The following PFAS variants were observed in gnomAD, a reference collection of about 807,000 sequenced individuals.
The protein encoded by PFAS is phosphoribosylformylglycinamidine synthase.
A neutral mutation model predicts 140.6 loss-of-function variants in PFAS; 97 were observed. The ratio of observed to expected loss-of-function variants is 0.69; its 90% confidence interval spans 0.59 to 0.82. PFAS has a LOEUF of 0.82. Among genes scored for constraint, PFAS ranks in the 40% least tolerant of loss-of-function variants. The pLI is 0.00. For synonymous variants in PFAS, 679 were observed against 718.8 expected (o/e 0.94, Z 0.88); for missense variants, 1,656 against 1,780.2 (o/e 0.93, Z 1.26).
rs1365777148 is a variant in PFAS at position 8,256,920 on chromosome 17, G to C, written c.1032G>C (p.Val344=). The change falls in exon 9 of 28, where the codon GTG becomes GTC. Residue 344 remains valine, a synonymous_variant. Transcript: ENST00000314666. ...VQCTGRGAHV[V]AGTAGYCFGN... ...GCACAGGCCGCGGGGCCCACGTGGTGGCTGGCACTGCCGGCTATTGCTTTG... is the reference window on the plus strand; with the variant it reads ...GCACAGGCCGCGGGGCCCACGTGGTCGCTGGCACTGCCGGCTATTGCTTTG... The C allele has an allele frequency of 1.2e-6, 2 of 1,614,218 alleles. No individual in the cohort carries two copies. The highest frequency in any genetic ancestry group is 1.7e-6 in the Non-Finnish European group (2 of 1,180,044).
chr17:8,261,235 C>A (rs1222629352), intron 11 of PFAS, among the ~76,000 whole-genome samples: 1 of 151,094 alleles, frequency 6.6e-6, no homozygotes, highest in Admixed American at 6.6e-5. Context: ...TGTTTTCTTT[C>A]TTTCTTTTTT....
chr17:8,269,532 A>G lies in PFAS; in HGVS notation c.*268A>G, dbSNP rs1410124748. On this transcript the variant is annotated 3_prime_UTR_variant, in exon 28 of 28. Transcript: ENST00000314666. ...GTTCAGAGAAAAGAGCGACAAGGAA[A>G]AGTTAGGACTCCTGAGGTCCGAACA... 2.3e-6 allele frequency: 1 copy of G among 426,602 alleles called. No homozygotes were observed. Among genetic ancestry groups the G allele is most frequent in the African/African-American group, 2.0e-5 (1 of 50,584 alleles). The allele number at this position is 426,602 out of a possible 1,614,324, so 26.4% of individuals were successfully genotyped here. A position where few individuals can be genotyped will look rare whatever the true frequency, so the allele number is the denominator to read the frequency against.
At chr17:8,264,086 G>A in intron 15 of PFAS, 126 bp from the exon 16 acceptor site, 1 of 1,457,454 alleles carries the variant, frequency 6.9e-7, no homozygotes, top group Non-Finnish European at 9.6e-7. Context: ...ATCCAAGGAG[G>A]GGCAGGGACT....
rs200163213 is a variant in PFAS at position 8,258,170 on chromosome 17, A to G, written c.1307A>G (p.Asp436Gly). 1.1e-5 allele frequency: 17 copies of G among 1,614,106 alleles called. No individual in the cohort carries two copies. Among genetic ancestry groups the G allele is most frequent in the Non-Finnish European group, 8.5e-7 (1 of 1,180,016 alleles). ...FSGGIGSMEA[D>G]HISKEAPEPG... is the part of the protein sequence containing the mutation. Reference sequence around the variant, plus strand: ...GGGGGCATTGGGTCCATGGAAGCTGACCACATAAGCAAGGAGGCCCCAGAG... The same window carrying G: ...GGGGGCATTGGGTCCATGGAAGCTGGCCACATAAGCAAGGAGGCCCCAGAG... Residue 436 changes from aspartate (D) to glycine (G), a missense_variant, in exon 11 of 28, where the codon GAC becomes GGC. Around this residue, in one of 2 missense-constraint regions of PFAS, gnomAD observed 773 missense variants for 757.3 expected, o/e 1.02. Transcript: ENST00000314666.
intron 3 of PFAS, among the ~76,000 whole-genome samples, 194 bp from the exon 4 acceptor site, chr17:8,254,833 G>T (rs1450643976): frequency 1.3e-5 from 2 of 152,180 alleles, no homozygotes; most frequent in East Asian, 3.8e-4. Flanking sequence ...AAATAGTTTT[G>T]ATGCTAGAGG....
chr17:8,265,443 T>G lies in PFAS; in HGVS notation c.2436T>G (p.Val812=), dbSNP rs370400739. The G allele has an allele frequency of 9.3e-6, 15 of 1,613,970 alleles. No individual in the cohort carries two copies. The highest frequency in any genetic ancestry group is 3.3e-5 in the Admixed American group (2 of 59,986). The part of the protein sequence containing the change: ...GKDSLSMAAR[V]GTETVRAPGS... ...ACTCCCTCAGCATGGCTGCTCGGGT[T>G]GGCACTGAGACCGTGCGGGCTCCTG... Residue 812 remains valine, a synonymous_variant, in exon 19 of 28, where the codon GTT becomes GTG. Coordinates refer to ENST00000314666, the MANE Select transcript of PFAS (RefSeq NM_012393.3).
intron 11 of PFAS, 145 bp from the exon 12 acceptor site, chr17:8,262,775 A>C (rs1989643056): frequency 4.5e-6 from 3 of 664,964 alleles, no homozygotes; most frequent in Non-Finnish European, 8.1e-6. Flanking sequence ...CAGCCTGGAC[A>C]ACAGAGCGAG....
At position 8,264,073 on chromosome 17, in the gene PFAS, T is replaced by C. The variant is rs746630976; in HGVS notation, c.1791+137T>C. ...GTGGCAAACAAGCTGTGGGGAATGT[T>C]GGATCCAAGGAGGGGCAGGGACTCA... On this transcript the variant is annotated intron_variant, in intron 15 of 27. Transcript: ENST00000314666. 3 of 1,455,890 alleles carry C rather than the reference T, an allele frequency of 2.1e-6. No individual in the cohort carries two copies. The Admixed American group carries it at 5.0e-5, about 24-fold the overall frequency. The allele number at this position is 1,455,890 out of a possible 1,614,324, so 90.2% of individuals were successfully genotyped here. A position where few individuals can be genotyped will look rare whatever the true frequency, so the allele number is the denominator to read the frequency against.
rs561512607 is a variant in PFAS, at chr17:8,261,470, C to CT, written c.1337-1449dup. Among the ~76,000 whole-genome samples, 1,141 of 151,730 alleles carry CT rather than the reference C, an allele frequency of 7.5e-3. 6 individuals are homozygous for CT. Among genetic ancestry groups the CT allele is most frequent in the Non-Finnish European group, 0.011 (771 of 67,868 alleles). On this transcript the variant is annotated intron_variant, in intron 11 of 27. Transcript: ENST00000314666. The stretch of plus-strand genomic sequence containing the variant: ...CCCAGGCTGGTCTCAAACTCCTGAG[C>CT]TCAGGTAATCCACCCGCCTCAGCCT...
At chr17:8,264,870 T>C in intron 17 of PFAS, 25 bp from the exon 18 acceptor site, 1 of 1,491,200 alleles carries the variant, frequency 6.7e-7, no homozygotes, top group South Asian at 1.2e-5. Context: ...CCTTGCTCTC[T>C]TGCTAACCCC....
At chr17:8,248,166 A>G, upstream of PFAS, 3 of 716,872 alleles carry the variant, frequency 4.2e-6, no homozygotes, top group Non-Finnish European at 4.9e-6. Context: ...CTCGCTGCTC[A>G]CCCCCTCGCT....
rs376529905 is a variant in PFAS at position 8,268,716 on chromosome 17, G to A, written c.3566G>A (p.Arg1189Gln). 27 of 1,613,200 alleles carry A rather than the reference G, an allele frequency of 1.7e-5. No homozygotes were observed. Among genetic ancestry groups the A allele is most frequent in the East Asian group, 4.5e-5 (2 of 44,878 alleles). Residue 1189 changes from arginine to glutamine, a missense_variant, in exon 27 of 28, where the codon CGG (arginine) becomes CAG (glutamine). Physicochemically the swap from Arg to Gln is conservative, Grantham distance 43 (BLOSUM62 1). Coordinates refer to ENST00000314666, the MANE Select transcript of PFAS (RefSeq NM_012393.3). Reference protein sequence around the residue: ...AEMGPDSQPARPGLLLRHNLS... With the variant: ...AEMGPDSQPAQPGLLLRHNLS... The stretch of plus-strand genomic sequence containing the variant: ...ATGGGCCCTGACTCCCAGCCAGCCC[G>A]GCCAGGCCTTCTGCTACGCCACAAC...
intron 5 of PFAS, 34 bp downstream of exon 5, chr17:8,255,725 G>A: frequency 6.2e-7 from 1 of 1,606,550 alleles, no homozygotes; most frequent in African/African-American, 1.3e-5. Context: ...TAGGGTCCAG[G>A]ATAGGCCAGT....
upstream of PFAS, chr17:8,248,024 G>C (rs201280372): frequency 1.8e-5 from 28 of 1,598,154 alleles, no homozygotes; most frequent in Middle Eastern, 5.0e-4. Flanking sequence ...ACCTGGGCCC[G>C]GCCAGCCGCC....
At chr17:8,255,247 C>A in intron 4 of PFAS, 115 bp downstream of exon 4, 1 of 773,088 alleles carries the variant, frequency 1.3e-6, no homozygotes, top group Non-Finnish European at 2.1e-6. Flanking sequence ...TCTGTATGGT[C>A]GTACAAGTTG....
At chr17:8,248,220 C>G, upstream of PFAS, 1 of 609,090 alleles carries the variant, frequency 1.6e-6, no homozygotes, top group Non-Finnish European at 3.0e-6. Flanking sequence ...ATCCCAACTC[C>G]CGACACCCCT....
chr17:8,264,275 A>T lies in PFAS; in HGVS notation c.1855A>T (p.Thr619Ser). 5 of 1,613,466 alleles carry T rather than the reference A, an allele frequency of 3.1e-6. No homozygotes were observed. Among genetic ancestry groups the T allele is most frequent in the Non-Finnish European group, 4.2e-6 (5 of 1,179,706 alleles). ...RRNGQGDAPPTPLPTPVDLEL... is the reference protein window; with the variant it reads ...RRNGQGDAPPSPLPTPVDLEL... ...AAATGGCCAGGGGGATGCCCCCCCGACACCCCTGCCAACCCCTGTGGACCT... is the reference window on the plus strand; with the variant it reads ...AAATGGCCAGGGGGATGCCCCCCCGTCACCCCTGCCAACCCCTGTGGACCT... The change falls in exon 16 of 28, where the codon ACA becomes TCA. Residue 619 changes from threonine (T) to serine (S), a missense_variant. Around this residue, in one of 2 missense-constraint regions of PFAS, gnomAD observed 883 missense variants for 1,023.0 expected, o/e 0.86. Coordinates refer to ENST00000314666, the MANE Select transcript of PFAS (RefSeq NM_012393.3).
chr17:8,268,658 G>A lies in PFAS; in HGVS notation c.3508G>A (p.Val1170Met), dbSNP rs1421282425. ...GCQLLALLGW[V>M]GGDPNEDAAE... ...TCAACTGCTGGCTCTGCTCGGCTGG[G>A]TGGGAGGCGACCCCAATGAGGATGC... The change falls in exon 27 of 28, where the codon GTG (valine) becomes ATG (methionine). Residue 1170 changes from valine (V) to methionine (M), a missense_variant. Physicochemically the swap from Val to Met is conservative, Grantham distance 21. Coordinates refer to ENST00000314666, the MANE Select transcript of PFAS (RefSeq NM_012393.3). The A allele has an allele frequency of 6.2e-7, 1 of 1,613,782 alleles. No individual in the cohort carries two copies. The highest frequency in any genetic ancestry group is 1.7e-5 in the Admixed American group (1 of 60,032).
At chr17:8,260,562 C>T (rs887382405) in intron 11 of PFAS, among the ~76,000 whole-genome samples, 5 of 152,220 alleles carry the variant, frequency 3.3e-5, no homozygotes, top group Non-Finnish European at 7.3e-5. Context: ...GGGGTTGTTT[C>T]AGCTTTTTAG....
Sources: gnomAD v4.1 joint callset for allele counts (sites outside exome capture counted in the v4.1 genomes callset) on GRCh38, gnomAD v4.1.1 for gene constraint, gnomAD v4.1.1 regional missense constraint, MANE v1.5 for transcripts, NCBI Gene and HGNC (gene_info 2026-07-23, HGNC 2026-07-21) for gene names.